MCEE: variants seen among roughly 807,000 people sequenced by gnomAD.
MCEE encodes methylmalonyl-CoA epimerase, mitochondrial.
MCEE carries 6 observed loss-of-function variants against 12.9 expected under a neutral mutation model. That is an observed-to-expected ratio of 0.47 (90% CI 0.26 to 0.92). The LOEUF (loss-of-function observed/expected upper bound fraction) is 0.92. Among genes scored for constraint, MCEE ranks in the 40% least tolerant of loss-of-function variants. The probability of loss-of-function intolerance (pLI) is 0.16; values close to 1 mark genes in which losing one functional copy is unlikely to be tolerated. For missense variants in MCEE, 214 were observed against 212.1 expected, an observed-to-expected ratio of 1.01 and a Z score of -0.05; for synonymous variants, 78 against 77.9, an observed-to-expected ratio of 1.00 and a Z score of -0.01.
chr2:71,109,891 G>A lies in MCEE; in HGVS notation c.*79C>T, dbSNP rs1672850168. ...CTTTTACATGATGGAAGCAGTGAAG[G>A]ACTCAATGTCATAGTACATTTTGAT... On this transcript the variant is annotated 3_prime_UTR_variant, in exon 3 of 3. Transcript: ENST00000244217. The A allele has an allele frequency of 1.4e-6, 2 of 1,397,108 alleles. No homozygotes were observed. The highest frequency in any genetic ancestry group is 2.0e-6 in the Non-Finnish European group (2 of 994,104). The allele number at this position is 1,397,108 out of a possible 1,614,324, so 86.5% of individuals were successfully genotyped here. A position where few individuals can be genotyped will look rare whatever the true frequency, so the allele number is the denominator to read the frequency against.
chr2:71,126,469 G>A (rs890078745), intron 1 of MCEE, among the ~76,000 whole-genome samples: 6 of 145,116 alleles, frequency 4.1e-5, no homozygotes, highest in Admixed American at 2.2e-4. Flanking sequence ...CTCGTGATCC[G>A]CCCACCTCGG....
rs1485385277 is a variant in MCEE at position 71,124,423 on chromosome 2, G to A, written c.161C>T (p.Ala54Val). Residue 54 changes from alanine (A) to valine (V), a missense_variant, in exon 2 of 3, where the codon GCA becomes GTA. Physicochemically the swap from Ala to Val is moderately conservative, Grantham distance 64 (BLOSUM62 0). Transcript: ENST00000244217. The stretch of plus-strand genomic sequence containing the variant: ...TGCAGCCTTTTCCAAATCTGGCACT[G>A]CTATGGCTACATGGTTGAGTCGACC... ...NLGRLNHVAI[A>V]VPDLEKAAAF... The A allele has an allele frequency of 1.9e-6, 3 of 1,614,026 alleles. No homozygotes were observed. The East Asian group carries it at 6.7e-5, about 36-fold the overall frequency.
chr2:71,124,582 A>C, intron 1 of MCEE, 39 bp from the exon 2 acceptor site: 2 of 1,472,140 alleles, frequency 1.4e-6, no homozygotes, highest in Non-Finnish European at 1.9e-6. Context: ...TTCTTTTGAG[A>C]ATTAACGCAC....
intron 1 of MCEE, among the ~76,000 whole-genome samples, chr2:71,128,237 A>C (rs1673280243): frequency 6.6e-6 from 1 of 152,184 alleles, no homozygotes; most frequent in Non-Finnish European, 1.5e-5. Flanking sequence ...TTCCATTTTC[A>C]GAACTTTTCT....
chr2:71,129,929 G>A, intron 1 of MCEE: 1 of 588,974 alleles, frequency 1.7e-6, no homozygotes, highest in East Asian at 2.9e-5. Context: ...CCACATACTG[G>A]AAGGTGCAGA....
chr2:71,111,117 A>T (rs4852760), intron 2 of MCEE, among the ~76,000 whole-genome samples: 2 of 152,036 alleles, frequency 1.3e-5, no homozygotes, highest in Non-Finnish European at 2.9e-5. Flanking sequence ...TACATAAATA[A>T]GCTATGATTT....
intron 2 of MCEE, among the ~76,000 whole-genome samples, chr2:71,115,208 T>G (rs142598631): frequency 6.6e-6 from 1 of 152,062 alleles, no homozygotes; most frequent in African/African-American, 2.4e-5. Context: ...CTGGGAAACA[T>G]AGTGAAGCCC....
intron 2 of MCEE, among the ~76,000 whole-genome samples, chr2:71,111,712 C>T (rs1672888522): frequency 6.6e-6 from 1 of 152,184 alleles, no homozygotes; most frequent in Non-Finnish European, 1.5e-5. Flanking sequence ...ACTCTAGCAC[C>T]ATGGCCTCCT....
Position 71,110,084 on chromosome 2 carries a change from T to C in MCEE, c.417A>G (p.Lys139=). The C allele has an allele frequency of 6.2e-7, 1 of 1,613,584 alleles. No homozygotes were observed. The highest frequency in any genetic ancestry group is 8.5e-7 in the Non-Finnish European group (1 of 1,179,612). ...NINAAVMDLK[K]KKIRSLSEEV... ...CTTCACTTAGACTGCGGATCTTCTTTTTTTTCAAATCCATCACAGCTGCAT... is the reference window on the plus strand; with the variant it reads ...CTTCACTTAGACTGCGGATCTTCTTCTTTTTCAAATCCATCACAGCTGCAT... Residue 139 remains lysine, a synonymous_variant, in exon 3 of 3, where the codon AAA becomes AAG. Coordinates refer to ENST00000244217, the MANE Select transcript of MCEE (RefSeq NM_032601.4).
chr2:71,124,106 A>G, intron 2 of MCEE, 100 bp downstream of exon 2: 3 of 876,654 alleles, frequency 3.4e-6, no homozygotes, highest in Non-Finnish European at 3.6e-6. Flanking sequence ...AGAACTTTAC[A>G]AAAGTTTCTA....
Position 71,124,228 on chromosome 2 carries a change from C to T in MCEE, c.356G>A (p.Gly119Glu), listed in dbSNP as rs772140212. 4 of 1,613,546 alleles carry T rather than the reference C, an allele frequency of 2.5e-6. No individual in the cohort carries two copies. In the South Asian group the frequency reaches 4.4e-5, roughly 18 times the overall value. The change falls in exon 2 of 3, where the codon GGA becomes GAA. Residue 119 changes from glycine (G) to glutamate (E), a missense_variant. Physicochemically the swap from Gly to Glu is moderately conservative, Grantham distance 98 (BLOSUM62 -2). Coordinates refer to ENST00000244217, the MANE Select transcript of MCEE (RefSeq NM_032601.4). ...AGFLQKNKAG[G>E]MHHICIEVDN... Reference sequence around the variant, plus strand: ...TACCTCGATGCAGATGTGATGCATTCCTCCAGCCTTGTTTTTCTGCAGAAA... The same window carrying T: ...TACCTCGATGCAGATGTGATGCATTTCTCCAGCCTTGTTTTTCTGCAGAAA...
intron 2 of MCEE, among the ~76,000 whole-genome samples, chr2:71,111,049 C>T (rs1672876075): frequency 6.6e-6 from 1 of 152,108 alleles, no homozygotes; most frequent in South Asian, 2.1e-4. Context: ...TCCAAAGAGC[C>T]AAGGATTATA....
chr2:71,121,319 T>C (rs896798273), intron 2 of MCEE, among the ~76,000 whole-genome samples: 1 of 152,150 alleles, frequency 6.6e-6, no homozygotes, highest in Admixed American at 6.6e-5. Flanking sequence ...TGGCAAATGG[T>C]GATGCCTGGA....
At chr2:71,110,373 T>C (rs971376185) in intron 2 of MCEE, among the ~76,000 whole-genome samples, 4 of 152,210 alleles carry the variant, frequency 2.6e-5, no homozygotes, top group African/African-American at 9.6e-5. Flanking sequence ...CTTCTTATAA[T>C]CTAAATCATG....
chr2:71,125,699 T>C (rs1163825248), intron 1 of MCEE, among the ~76,000 whole-genome samples: 1 of 152,158 alleles, frequency 6.6e-6, no homozygotes, highest in Non-Finnish European at 1.5e-5. Flanking sequence ...AGTTTCTTGA[T>C]CTCCACAGAT....
intron 2 of MCEE, among the ~76,000 whole-genome samples, chr2:71,111,384 A>G (rs1672882113): frequency 6.6e-6 from 1 of 152,084 alleles, no homozygotes; most frequent in Admixed American, 6.6e-5. Context: ...TTTTAAATTC[A>G]TATCAATATT....
chr2:71,127,628 A>G (rs1673264999), intron 1 of MCEE, among the ~76,000 whole-genome samples: 1 of 148,158 alleles, frequency 6.7e-6, no homozygotes, highest in African/African-American at 2.4e-5. Flanking sequence ...AACACGTAAT[A>G]AGTTTGTTTG....
rs984852315 is a variant in MCEE at position 71,116,174 on chromosome 2, G to A, written c.379-6052C>T. On this transcript the variant is annotated intron_variant, in intron 2 of 2. Transcript: ENST00000244217. Reference sequence around the variant, plus strand: ...CAGCTCACTGCAAGCTCTGCCTCCCGGGTTCATGCCGTTCTCCTGCCTCAG... The same window carrying A: ...CAGCTCACTGCAAGCTCTGCCTCCCAGGTTCATGCCGTTCTCCTGCCTCAG... Among the ~76,000 whole-genome samples the A allele has an allele frequency of 1.7e-4, 25 of 149,488 alleles. 1 individual carries two copies. The highest frequency in any genetic ancestry group is 5.9e-4 in the African/African-American group (23 of 39,120).
chr2:71,121,022 C>T (rs1673091546), intron 2 of MCEE, among the ~76,000 whole-genome samples: 1 of 152,318 alleles, frequency 6.6e-6, no homozygotes, highest in Admixed American at 6.5e-5. Flanking sequence ...GCATGAGCCA[C>T]CATGCCCAGG....
Sources: allele counts gnomAD v4.1 joint callset (sites outside exome capture counted in the v4.1 genomes callset), GRCh38; gene constraint gnomAD v4.1.1; transcripts MANE v1.5; gene names NCBI Gene and HGNC (gene_info 2026-07-23, HGNC 2026-07-21).